The following CARF variants were observed in gnomAD, a reference collection of about 807,000 sequenced individuals.
CARF encodes calcium-responsive transcription factor.
Under a neutral mutation model 82.0 loss-of-function variants are expected in CARF, and 57 were observed. The ratio of observed to expected loss-of-function variants is 0.70; its 90% confidence interval spans 0.56 to 0.87. The LOEUF is 0.87. Ranked by LOEUF, CARF falls within the 40% of genes least tolerant of loss-of-function variation. CARF has a pLI of 0.00. For missense variants in CARF, 771 were observed against 855.8 expected (o/e 0.90, Z 1.24); for synonymous variants, 268 against 290.1 (o/e 0.92, Z 0.77).
chr2:202,974,795 A>C (rs1481269354), intron 13 of CARF, among the ~76,000 whole-genome samples: 1 of 152,082 alleles, frequency 6.6e-6, no homozygotes, highest in Admixed American at 6.6e-5. Context: ...GCTACTTGGG[A>C]GGCTGAGGCA....
chr2:202,923,627 T>A (rs1691255250), intron 2 of CARF, among the ~76,000 whole-genome samples: 2 of 152,040 alleles, frequency 1.3e-5, no homozygotes, highest in African/African-American at 4.8e-5. Context: ...AAAACAATCC[T>A]AAAATTCATG....
At chr2:202,950,935 G>T (rs1327290399) in intron 5 of CARF, among the ~76,000 whole-genome samples, 2 of 151,964 alleles carry the variant, frequency 1.3e-5, no homozygotes, top group Non-Finnish European at 2.9e-5. Flanking sequence ...TCTTAATTTT[G>T]GGAACTATCT....
rs1210511892 is a variant in CARF, at chr2:202,977,333, G to T, written c.1558+1G>T. The T allele has an allele frequency of 1.9e-6, 3 of 1,608,576 alleles. No individual in the cohort carries two copies. The highest frequency in any genetic ancestry group is 2.6e-6 in the Non-Finnish European group (3 of 1,175,566). ...ACCATGACAGTTACATTTGCAGAAGGTAGGTTTTCTTGAATACCTTTAAAA... is the reference window on the plus strand; with the variant it reads ...ACCATGACAGTTACATTTGCAGAAGTTAGGTTTTCTTGAATACCTTTAAAA... On this transcript the variant is annotated splice_donor_variant, in intron 14 of 16. Transcript: ENST00000438828. LOFTEE classifies it high-confidence loss of function.
rs200669441 is a variant in CARF, at chr2:202,971,674, C to T, written c.1267C>T (p.His423Tyr). Residue 423 changes from histidine (H) to tyrosine (Y), a missense_variant, in exon 12 of 17, where the codon CAT (histidine) becomes TAT (tyrosine). His to Tyr is a moderately conservative substitution (Grantham distance 83). Transcript: ENST00000438828. Reference sequence around the variant, plus strand: ...CTCACGTTTACATCCTCAAGTAGCACATAAGATTCAAGAATTAGTATCACA... The same window carrying T: ...CTCACGTTTACATCCTCAAGTAGCATATAAGATTCAAGAATTAGTATCACA... ...LPSRLHPQVA[H>Y]KIQELVSQGI... is the part of the protein sequence containing the mutation. The T allele has an allele frequency of 3.1e-6, 5 of 1,613,470 alleles. No homozygotes were observed. The African/African-American group carries it at 4.0e-5, about 13-fold the overall frequency.
chr2:202,945,578 C>T (rs1028959677), intron 5 of CARF, among the ~76,000 whole-genome samples: 15 of 152,060 alleles, frequency 9.9e-5, no homozygotes, highest in African/African-American at 3.4e-4. Flanking sequence ...GTTTTTTGTT[C>T]CAGTGTAGTT....
chr2:202,953,993 TTTG>T lies in CARF; in HGVS notation c.428-6_428-4del. ...ATATTGATGTTACTTTGTTCTTGTT[TTTG>T]TTGTTAAGATGTCCCTGAAGAGAAA... is the stretch of plus-strand genomic sequence containing the variant. On this transcript the variant is annotated splice_polypyrimidine_tract_variant and intron_variant, in intron 6 of 16. Coordinates refer to ENST00000438828, the MANE Select transcript of CARF (RefSeq NM_024744.17). The T allele has an allele frequency of 1.3e-6, 2 of 1,591,528 alleles. No individual in the cohort carries two copies. Among genetic ancestry groups the T allele is most frequent in the Non-Finnish European group, 1.7e-6 (2 of 1,171,368 alleles).
chr2:202,976,412 G>C (rs1403075142), intron 13 of CARF, among the ~76,000 whole-genome samples: 1 of 151,522 alleles, frequency 6.6e-6, no homozygotes, highest in Non-Finnish European at 1.5e-5. Flanking sequence ...GACCTCACGT[G>C]ATCTGCCCTC....
rs186877301 is a variant in CARF, at chr2:202,985,173, A to C, written c.*1549A>C. 2 of 152,250 alleles carry C rather than the reference A, an allele frequency of 1.3e-5. No individual in the cohort carries two copies. Among genetic ancestry groups the C allele is most frequent in the East Asian group, 3.9e-4 (2 of 5,192 alleles). 9.4% of individuals were successfully genotyped at this position (152,250 alleles called of 1,614,324 possible). A position where few individuals can be genotyped will look rare whatever the true frequency, so the allele number is the denominator to read the frequency against. Reference sequence around the variant, plus strand: ...TGGGTATATTTTATATTTTAAAAATAAAGATTTTAAATGGATATCAATGTT... The same window carrying C: ...TGGGTATATTTTATATTTTAAAAATCAAGATTTTAAATGGATATCAATGTT... On this transcript the variant is annotated 3_prime_UTR_variant, in exon 17 of 17. Transcript: ENST00000438828.
At chr2:202,976,655 T>G (rs1361312841) in intron 13 of CARF, among the ~76,000 whole-genome samples, 1 of 152,006 alleles carries the variant, frequency 6.6e-6, no homozygotes, top group Non-Finnish European at 1.5e-5. Context: ...AAATGCAGTA[T>G]CTGAAAAAAT....
chr2:202,958,643 G>A (rs1266383853), intron 8 of CARF, among the ~76,000 whole-genome samples: 1 of 152,054 alleles, frequency 6.6e-6, no homozygotes, highest in Non-Finnish European at 1.5e-5. Flanking sequence ...TGGGTGCGGT[G>A]GCTCACGTCT....
Position 202,977,483 on chromosome 2 carries a change from C to T in CARF, c.1558+151C>T, listed in dbSNP as rs1274441483. 4 of 603,660 alleles carry T rather than the reference C, an allele frequency of 6.6e-6. No individual in the cohort carries two copies. In the African/African-American group the frequency reaches 7.5e-5, roughly 11 times the overall value. 37.4% of individuals were successfully genotyped at this position (603,660 alleles called of 1,614,324 possible). ...AGCTATGTTATGGTTTATCAACATA[C>T]TTCCTACTATTTTAATTTCCTCTTA... On this transcript the variant is annotated intron_variant, in intron 14 of 16. Coordinates refer to ENST00000438828, the MANE Select transcript of CARF (RefSeq NM_024744.17).
At chr2:202,974,032 G>A (rs2059925609) in intron 12 of CARF, among the ~76,000 whole-genome samples, 1 of 151,232 alleles carries the variant, frequency 6.6e-6, no homozygotes, top group African/African-American at 2.4e-5. Context: ...AGGTTGCAGT[G>A]AGCCGAGATC....
intron 3 of CARF, among the ~76,000 whole-genome samples, chr2:202,928,864 G>A (rs1446262006): frequency 6.6e-6 from 1 of 152,080 alleles, no homozygotes; most frequent in Non-Finnish European, 1.5e-5. Flanking sequence ...CGAGCAGCTA[G>A]GACCACAGGT....
chr2:202,970,460 G>A (rs1330752469), intron 11 of CARF, among the ~76,000 whole-genome samples: 1 of 151,944 alleles, frequency 6.6e-6, no homozygotes. Flanking sequence ...GATTACTTAC[G>A]GCAGCCAGAA....
chr2:202,985,637 T>G lies in CARF; in HGVS notation c.*2013T>G, dbSNP rs1206666798. ...TCTGTGTGTACATAAAAGGAATAAG[T>G]CCAAATTAATTTATAGTTTAGTGTT... On this transcript the variant is annotated 3_prime_UTR_variant, in exon 17 of 17. Transcript: ENST00000438828. The G allele has an allele frequency of 6.6e-6, 1 of 152,172 alleles. No individual in the cohort carries two copies. The highest frequency in any genetic ancestry group is 1.5e-5 in the Non-Finnish European group (1 of 67,990). The allele number at this position is 152,172 out of a possible 1,614,324, so 9.4% of individuals were successfully genotyped here. A position where few individuals can be genotyped will look rare whatever the true frequency, so the allele number is the denominator to read the frequency against.
intron 5 of CARF, among the ~76,000 whole-genome samples, chr2:202,946,585 C>T (rs924305979): frequency 6.6e-6 from 1 of 152,132 alleles, no homozygotes; most frequent in Non-Finnish European, 1.5e-5. Flanking sequence ...AGGACATAGG[C>T]ATGGGCAAAG....
At chr2:202,954,447 G>A (rs551701818) in intron 7 of CARF, among the ~76,000 whole-genome samples, 5 of 152,268 alleles carry the variant, frequency 3.3e-5, no homozygotes, top group African/African-American at 1.2e-4. Flanking sequence ...AGGTGCGGTG[G>A]CTCACTCCTG....
Position 202,986,868 on chromosome 2 carries a change from G to GTATGTATATATA in CARF, c.*3247_*3248insGTATATATATAT, listed in dbSNP as rs1491098285. The GTATGTATATATA allele has an allele frequency of 4.7e-4, 14 of 29,652 alleles. No individual in the cohort carries two copies. The highest frequency in any genetic ancestry group is 1.1e-3 in the African/African-American group (14 of 13,026). 1.8% of individuals were successfully genotyped at this position (29,652 alleles called of 1,614,324 possible). A position where few individuals can be genotyped will look rare whatever the true frequency, so the allele number is the denominator to read the frequency against. The stretch of plus-strand genomic sequence containing the variant: ...AAAGAGGTTTAAAAAATGTCTGTGC[G>GTATGTATATATA]TATATATATATATATATATATATAT... On this transcript the variant is annotated 3_prime_UTR_variant, in exon 17 of 17. Coordinates refer to ENST00000438828, the MANE Select transcript of CARF (RefSeq NM_024744.17).
chr2:202,926,162 C>T (rs955245366), intron 3 of CARF, among the ~76,000 whole-genome samples: 6 of 152,160 alleles, frequency 3.9e-5, no homozygotes, highest in Admixed American at 3.9e-4. Context: ...GTGGGGGAGG[C>T]AACTGTGCAG....
Sources: gnomAD v4.1 joint callset for allele counts (sites outside exome capture counted in the v4.1 genomes callset) on GRCh38, gnomAD v4.1.1 for gene constraint, MANE v1.5 for transcripts, NCBI Gene and HGNC (gene_info 2026-07-23, HGNC 2026-07-21) for gene names.